Variants in IQCM observed in about 807,000 individuals in gnomAD.
The protein encoded by IQCM is IQ domain-containing protein M.
Under a neutral mutation model 57.6 loss-of-function variants are expected in IQCM, and 45 were observed. The observed-to-expected ratio is 0.78, with a 90% CI of 0.62 to 1.00. The LOEUF is 1.00. Among genes scored for constraint, IQCM ranks in the 50% least tolerant of loss-of-function variants. The pLI is 0.00. For missense variants in IQCM, 468 were observed against 511.6 expected (o/e 0.91, Z 0.82); for synonymous variants, 148 against 158.9 (o/e 0.93, Z 0.51).
chr4:149,504,784 G>C (rs930868718), intron 12 of IQCM, among the ~76,000 whole-genome samples: 1 of 152,126 alleles, frequency 6.6e-6, no homozygotes, highest in African/African-American at 2.4e-5. Context: ...ATGATGGCAG[G>C]TGCCTGTAAT....
At chr4:149,405,127 G>A (rs1732887164) in intron 13 of IQCM, among the ~76,000 whole-genome samples, 1 of 151,754 alleles carries the variant, frequency 6.6e-6, no homozygotes, top group African/African-American at 2.4e-5. Context: ...GAAAAATTAG[G>A]CCAAAAAAGA....
intron 9 of IQCM, among the ~76,000 whole-genome samples, chr4:149,569,238 T>A (rs1235127600): frequency 1.3e-5 from 2 of 152,218 alleles, no homozygotes; most frequent in Non-Finnish European, 2.9e-5. Flanking sequence ...TGGCAATAGA[T>A]AACTGATGCA....
intron 5 of IQCM, among the ~76,000 whole-genome samples, chr4:149,721,759 T>C (rs1314037345): frequency 1.3e-5 from 2 of 152,134 alleles, no homozygotes; most frequent in African/African-American, 4.8e-5. Context: ...AACACGTGCA[T>C]GTAGGTGTCT....
intron 7 of IQCM, among the ~76,000 whole-genome samples, chr4:149,639,096 T>C (rs1757964751): frequency 6.6e-6 from 1 of 152,202 alleles, no homozygotes; most frequent in Admixed American, 6.5e-5. Flanking sequence ...GTTTGAGATC[T>C]GGTCATTCAC....
At chr4:149,489,966 A>T (rs1342845009) in intron 12 of IQCM, among the ~76,000 whole-genome samples, 1 of 151,998 alleles carries the variant, frequency 6.6e-6, no homozygotes, top group Non-Finnish European at 1.5e-5. Context: ...TACAAACATC[A>T]ATATTTGTGC....
chr4:149,533,512 G>A (rs559118062), intron 12 of IQCM, among the ~76,000 whole-genome samples: 29 of 152,000 alleles, frequency 1.9e-4, no homozygotes, highest in Non-Finnish European at 2.8e-4. Flanking sequence ...CTGTTCTCAC[G>A]CTGCTGACAA....
In IQCM at chr4:149,721,877, C is replaced by T. The variant is rs543349832; in HGVS notation, c.385+11367G>A. ...CTTTGAGAAATCACTGTACTATTTT[C>T]CATAAAGGTTGTACCAGTTGACATT... On this transcript the variant is annotated intron_variant, in intron 5 of 13. Transcript: ENST00000636793. Among the ~76,000 whole-genome samples, 8 of 152,212 alleles carry T rather than the reference C, an allele frequency of 5.3e-5. No individual in the cohort carries two copies. The South Asian group carries it at 1.5e-3, about 28-fold the overall frequency.
chr4:149,652,482 C>A (rs1759277566), intron 7 of IQCM, among the ~76,000 whole-genome samples: 2 of 151,802 alleles, frequency 1.3e-5, no homozygotes, highest in South Asian at 4.2e-4. Context: ...AAAAACAAAC[C>A]ATAGCATAAA....
chr4:149,417,444 G>A (rs1200802062), intron 13 of IQCM, among the ~76,000 whole-genome samples: 2 of 152,078 alleles, frequency 1.3e-5, no homozygotes, highest in Non-Finnish European at 2.9e-5. Context: ...AAGCTTGGTT[G>A]TTCTGGCATA....
At chr4:149,393,441 A>G (rs1260115963) in intron 13 of IQCM, among the ~76,000 whole-genome samples, 2 of 151,842 alleles carry the variant, frequency 1.3e-5, no homozygotes, top group Non-Finnish European at 2.9e-5. Context: ...AACCTAACGG[A>G]AGCATTTTTT....
chr4:149,434,104 A>C (rs895237852), intron 12 of IQCM, among the ~76,000 whole-genome samples: 1 of 152,096 alleles, frequency 6.6e-6, no homozygotes, highest in African/African-American at 2.4e-5. Context: ...AAATATTAAC[A>C]TATTTAATTT....
chr4:149,665,425 G>C (rs767324619), intron 7 of IQCM, among the ~76,000 whole-genome samples: 11 of 152,260 alleles, frequency 7.2e-5, no homozygotes, highest in Non-Finnish European at 1.0e-4. Context: ...TAGCAGGGAA[G>C]ACAGTGTATC....
chr4:149,676,967 G>T (rs1761803094), intron 7 of IQCM, among the ~76,000 whole-genome samples: 1 of 151,956 alleles, frequency 6.6e-6, no homozygotes, highest in African/African-American at 2.4e-5. Flanking sequence ...ACACAAGTCA[G>T]TTCTTGGGGC....
At chr4:149,438,493 G>A (rs1329822793) in intron 12 of IQCM, among the ~76,000 whole-genome samples, 1 of 152,008 alleles carries the variant, frequency 6.6e-6, no homozygotes, top group Non-Finnish European at 1.5e-5. Context: ...GTTTTTAAAT[G>A]CTGTGCTTTT....
chr4:149,494,713 CCATGAGACAGGAGAGACTGCAACAA>C (rs1742468416), intron 12 of IQCM, among the ~76,000 whole-genome samples: 1 of 151,904 alleles, frequency 6.6e-6, no homozygotes, highest in South Asian at 2.1e-4. Flanking sequence ...GAGGTGGAGC[CCATGAGACAGGAGAGACTGCAACAA>C]GATGAGACTG....
intron 13 of IQCM, among the ~76,000 whole-genome samples, chr4:149,379,289 C>T (rs932111086): frequency 4.6e-5 from 7 of 152,154 alleles, no homozygotes; most frequent in African/African-American, 1.2e-4. Context: ...AAGAGGGCCG[C>T]CGTTCTCCAG....
intron 5 of IQCM, among the ~76,000 whole-genome samples, chr4:149,731,707 T>C (rs1766473796): frequency 6.6e-6 from 1 of 152,082 alleles, no homozygotes; most frequent in African/African-American, 2.4e-5. Context: ...GGACATTAAC[T>C]GGTATAATGT....
chr4:149,591,432 C>G (rs1057425573), intron 8 of IQCM, among the ~76,000 whole-genome samples: 4 of 151,770 alleles, frequency 2.6e-5, no homozygotes, highest in African/African-American at 4.8e-5. Flanking sequence ...TGCCCCAACA[C>G]TTACATCCAA....
At chr4:149,541,723 C>A (rs771418777) in intron 12 of IQCM, among the ~76,000 whole-genome samples, 32 of 151,772 alleles carry the variant, frequency 2.1e-4, no homozygotes, top group Non-Finnish European at 3.7e-4. Context: ...AAATCATGTC[C>A]TCAGTCACAA....
Sources: allele counts gnomAD v4.1 joint callset (sites outside exome capture counted in the v4.1 genomes callset), GRCh38; gene constraint gnomAD v4.1.1; transcripts MANE v1.5; gene names NCBI Gene and HGNC (gene_info 2026-07-23, HGNC 2026-07-21).